The following MAPRE2 variants were observed in gnomAD, a reference collection of about 807,000 sequenced individuals.
MAPRE2 encodes microtubule-associated protein RP/EB family member 2.
In MAPRE2, 13 loss-of-function variants were observed where a neutral mutation model predicts 43.2. The observed-to-expected ratio is 0.30, with a 90% CI of 0.20 to 0.48. The LOEUF (loss-of-function observed/expected upper bound fraction) is 0.48, where lower values mean the gene tolerates loss of function less well. MAPRE2 is among the 20% of genes least tolerant of loss of function. The probability of loss-of-function intolerance (pLI) is 0.99; values close to 1 mark genes in which losing one functional copy is unlikely to be tolerated. For missense variants in MAPRE2, 161 were observed against 400.2 expected, an observed-to-expected ratio of 0.40 and a Z score of 5.10; for synonymous variants, 135 against 148.8, an observed-to-expected ratio of 0.91 and a Z score of 0.68.
upstream of MAPRE2, among the ~76,000 whole-genome samples, chr18:35,039,977 G>C (rs2097052750): frequency 6.6e-6 from 1 of 152,208 alleles, no homozygotes; most frequent in African/African-American, 2.4e-5. Context: ...TTTGGGGCGG[G>C]TGGACTGCCT....
At chr18:35,067,478 T>C (rs778045211) in intron 1 of MAPRE2, among the ~76,000 whole-genome samples, 2 of 152,236 alleles carry the variant, frequency 1.3e-5, no homozygotes, top group African/African-American at 4.8e-5. Context: ...TAATTTCTCT[T>C]ATGTAACCAC....
chr18:35,132,270 A>G (rs1157624652), intron 6 of MAPRE2, 80 bp downstream of exon 6: 2 of 1,332,898 alleles, frequency 1.5e-6, no homozygotes, highest in East Asian at 2.4e-5. Context: ...ACTCCTTAGA[A>G]TACTTCCCCA....
chr18:34,983,983 T>C (rs2097017707), intron 1 of MAPRE2, among the ~76,000 whole-genome samples: 2 of 150,924 alleles, frequency 1.3e-5, no homozygotes, highest in African/African-American at 4.9e-5. Context: ...TGCTTGCTAC[T>C]TGTAATGGCA....
intron 2 of MAPRE2, among the ~76,000 whole-genome samples, chr18:35,031,950 G>A (rs867204301): frequency 3.3e-5 from 5 of 152,154 alleles, no homozygotes; most frequent in Non-Finnish European, 5.9e-5. Flanking sequence ...AGATCCAGAA[G>A]AACTAATAAA....
intron 4 of MAPRE2, among the ~76,000 whole-genome samples, chr18:35,121,046 A>G (rs1266579712): frequency 6.6e-6 from 1 of 152,144 alleles, no homozygotes; most frequent in Non-Finnish European, 1.5e-5. Flanking sequence ...TCATATTTTT[A>G]TCTCCTCTGT....
intron 2 of MAPRE2, among the ~76,000 whole-genome samples, chr18:35,027,547 T>C (rs750015479): frequency 4.6e-5 from 7 of 152,018 alleles, no homozygotes; most frequent in Non-Finnish European, 7.4e-5. Flanking sequence ...CTTCCAACCA[T>C]AGCTACATGA....
At chr18:35,081,515 G>A (rs995946378) in intron 2 of MAPRE2, among the ~76,000 whole-genome samples, 3 of 152,148 alleles carry the variant, frequency 2.0e-5, no homozygotes, top group Admixed American at 1.3e-4. Flanking sequence ...TTCTCTGGAC[G>A]GGACTCTTTT....
intron 1 of MAPRE2, chr18:34,984,473 G>T (rs951714806): frequency 6.6e-6 from 1 of 151,568 alleles, no homozygotes; most frequent in Non-Finnish European, 1.5e-5. Flanking sequence ...TATAATTAAC[G>T]TAAGTTTTGA....
upstream of MAPRE2, among the ~76,000 whole-genome samples, chr18:35,040,226 AT>A (rs1297499477): frequency 6.6e-6 from 1 of 152,126 alleles, no homozygotes; most frequent in Non-Finnish European, 1.5e-5. Context: ...TAAAAAAAAA[AT>A]CTCTCCTCTC....
At chr18:35,099,367 C>T (rs1908570800) in intron 3 of MAPRE2, among the ~76,000 whole-genome samples, 1 of 152,190 alleles carries the variant, frequency 6.6e-6, no homozygotes, top group Admixed American at 6.5e-5. Flanking sequence ...GTAATCCCAA[C>T]ACTTTGGGAG....
At chr18:35,086,961 T>C (rs1367867492) in intron 2 of MAPRE2, among the ~76,000 whole-genome samples, 1 of 152,200 alleles carries the variant, frequency 6.6e-6, no homozygotes, top group South Asian at 2.1e-4. Flanking sequence ...TCTGAAAATT[T>C]CCACTTTAAA....
chr18:35,120,806 A>C (rs1413796369), intron 4 of MAPRE2, among the ~76,000 whole-genome samples: 2 of 152,184 alleles, frequency 1.3e-5, no homozygotes, highest in Admixed American at 1.3e-4. Context: ...AAGTAATATC[A>C]AATCCATCCA....
intron 5 of MAPRE2, among the ~76,000 whole-genome samples, chr18:35,130,556 C>T (rs1212289654): frequency 1.3e-5 from 2 of 151,892 alleles, no homozygotes; most frequent in African/African-American, 2.4e-5. Flanking sequence ...ACACAAAGGC[C>T]CAGAATTATT....
intron 1 of MAPRE2, among the ~76,000 whole-genome samples, chr18:34,982,096 G>C (rs1487495719): frequency 4.0e-5 from 6 of 151,786 alleles, no homozygotes; most frequent in Non-Finnish European, 8.8e-5. Flanking sequence ...TGTTAGCCAG[G>C]ATGATCTCGA....
chr18:35,118,689 ACT>A (rs1909528605), intron 4 of MAPRE2, among the ~76,000 whole-genome samples: 1 of 151,936 alleles, frequency 6.6e-6, no homozygotes, highest in Non-Finnish European at 1.5e-5. Flanking sequence ...AGATCATGTC[ACT>A]CTGTTCAGGA....
chr18:35,086,997 C>G (rs540396130), intron 2 of MAPRE2, among the ~76,000 whole-genome samples: 1 of 152,146 alleles, frequency 6.6e-6, no homozygotes, highest in African/African-American at 2.4e-5. Context: ...TGATATTACT[C>G]TATGGTTGAA....
In MAPRE2 at chr18:35,140,315, G is replaced by A. The variant is rs753935720; in HGVS notation, c.930G>A (p.Pro310=). ...SEEHEGHTEE[P]EAEEQAHEQQ... ...CACAGGAGGGCCACACAGAAGAGCCGGAAGCAGAGGAGCAAGCCCACGAAC... is the reference window on the plus strand; with the variant it reads ...CACAGGAGGGCCACACAGAAGAGCCAGAAGCAGAGGAGCAAGCCCACGAAC... The change falls in exon 7 of 7, where the codon CCG becomes CCA. Residue 310 remains proline (P), a synonymous_variant. Coordinates refer to ENST00000300249, the MANE Select transcript of MAPRE2 (RefSeq NM_014268.4). 5.1e-5 allele frequency: 82 copies of A among 1,613,714 alleles called. No homozygotes were observed. Among genetic ancestry groups the A allele is most frequent in the Admixed American group, 2.0e-4 (12 of 59,994 alleles).
chr18:35,083,558 G>T (rs1907738761), intron 2 of MAPRE2, among the ~76,000 whole-genome samples: 1 of 152,162 alleles, frequency 6.6e-6, no homozygotes, highest in African/African-American at 2.4e-5. Context: ...GTGACATTTT[G>T]TCCTGCACAC....
rs1568961430 is a variant in MAPRE2, at chr18:34,985,280, ATATTATATATT to A, written c.-70+8202_-70+8212del. On this transcript the variant is annotated intron_variant, in intron 1 of 7. Coordinates refer to the MAPRE2 transcript ENST00000413393. ...AATATAATATATTATATAATATAAT[ATATTATATATT>A]ATATTATATATTGTATATATTATAT... Among the ~76,000 whole-genome samples the A allele has an allele frequency of 2.1e-3, 93 of 44,072 alleles. 1 individual carries two copies. Among genetic ancestry groups the A allele is most frequent in the African/African-American group, 8.5e-3 (90 of 10,602 alleles). 28.9% of individuals were successfully genotyped at this position (44,072 alleles called of 152,430 possible). A position where few individuals can be genotyped will look rare whatever the true frequency, so the allele number is the denominator to read the frequency against.
Sources: allele counts gnomAD v4.1 joint callset (sites outside exome capture counted in the v4.1 genomes callset), GRCh38; gene constraint gnomAD v4.1.1; transcripts MANE v1.5; gene names NCBI Gene and HGNC (gene_info 2026-07-23, HGNC 2026-07-21).